MSI2: variants seen among roughly 807,000 people sequenced by gnomAD.
MSI2 encodes musashi RNA binding protein 2.
MSI2 carries 17 observed loss-of-function variants against 45.6 expected under a neutral mutation model. The ratio of observed to expected loss-of-function variants is 0.37; its 90% CI spans 0.26 to 0.56. The LOEUF (loss-of-function observed/expected upper bound fraction) is 0.56. Among genes scored for constraint, MSI2 ranks in the 20% least tolerant of loss-of-function variants. MSI2 has a pLI of 0.77. For missense variants in MSI2, 293 were observed against 444.2 expected (o/e 0.66, Z 3.06); for synonymous variants, 156 against 158.2 (o/e 0.99, Z 0.11).
At chr17:57,482,709 A>G (rs1053827612) in intron 6 of MSI2, among the ~76,000 whole-genome samples, 3 of 152,112 alleles carry the variant, frequency 2.0e-5, no homozygotes, top group African/African-American at 4.8e-5. Context: ...TGCCTCTCAC[A>G]TGTATAGATT....
intron 5 of MSI2, among the ~76,000 whole-genome samples, chr17:57,343,682 C>A (rs1376742457): frequency 1.3e-5 from 2 of 152,180 alleles, no homozygotes; most frequent in African/African-American, 4.8e-5. Context: ...TTATAGAATT[C>A]TTTTTCCCTC....
At position 57,468,236 on chromosome 17, in the gene MSI2, A is replaced by G. The variant is rs1479494379; in HGVS notation, c.406-61440A>G. ...AATGCACACAGAGTCCTTAGAAACA[A>G]GCAGTGGCGGCCCAGTACGATGGCT... On this transcript the variant is annotated intron_variant, in intron 6 of 13. Transcript: ENST00000284073. 2.0e-5 allele frequency among the ~76,000 whole-genome samples: 3 copies of G among 151,814 alleles called. No individual in the cohort carries two copies. In the South Asian group the frequency reaches 6.2e-4, roughly 32 times the overall value.
intron 7 of MSI2, among the ~76,000 whole-genome samples, chr17:57,576,806 A>G (rs1281733592): frequency 6.6e-6 from 1 of 152,022 alleles, no homozygotes; most frequent in African/African-American, 2.4e-5. Flanking sequence ...TAAAGAAAAA[A>G]AAAAAGGAAG....
Position 57,681,737 on chromosome 17 carries a change from C to A in MSI2, c.*2220C>A, listed in dbSNP as rs1295820574. Reference sequence around the variant, plus strand: ...TTTCTTTGTTTCTTTTCTTTTCCCCCAAACAACCAGATTAAATGCTGAGCG... The same window carrying A: ...TTTCTTTGTTTCTTTTCTTTTCCCCAAAACAACCAGATTAAATGCTGAGCG... On this transcript the variant is annotated 3_prime_UTR_variant, in exon 14 of 14. Transcript: ENST00000284073. The A allele has an allele frequency of 5.3e-6, 1 of 190,294 alleles. No homozygotes were observed. Among genetic ancestry groups the A allele is most frequent in the African/African-American group, 2.4e-5 (1 of 42,312 alleles). The allele number at this position is 190,294 out of a possible 1,614,324, so 11.8% of individuals were successfully genotyped here.
intron 6 of MSI2, among the ~76,000 whole-genome samples, chr17:57,457,330 G>A (rs948122721): frequency 5.9e-5 from 9 of 152,262 alleles, no homozygotes; most frequent in East Asian, 1.9e-4. Context: ...GAGGTGTTAG[G>A]AGATGCAAGG....
intron 6 of MSI2, among the ~76,000 whole-genome samples, chr17:57,528,258 G>GA: frequency 6.6e-6 from 1 of 152,316 alleles, no homozygotes; most frequent in South Asian, 2.1e-4. Context: ...TGTGTGCTCT[G>GA]TGGGATAAAG....
chr17:57,348,524 A>G (rs1284311104), intron 5 of MSI2, among the ~76,000 whole-genome samples: 1 of 152,122 alleles, frequency 6.6e-6, no homozygotes, highest in Non-Finnish European at 1.5e-5. Flanking sequence ...TTCTCACTCT[A>G]TGAGTTCTCA....
At chr17:57,511,417 A>G (rs1299494066) in intron 6 of MSI2, among the ~76,000 whole-genome samples, 1 of 152,108 alleles carries the variant, frequency 6.6e-6, no homozygotes, top group African/African-American at 2.4e-5. Context: ...CCAGAGACAC[A>G]GAGAAGGTTC....
At chr17:57,573,421 A>G (rs1478958522) in intron 7 of MSI2, among the ~76,000 whole-genome samples, 1 of 152,182 alleles carries the variant, frequency 6.6e-6, no homozygotes, top group Non-Finnish European at 1.5e-5. Context: ...TCATTCATTC[A>G]TTTGACAAAT....
intron 10 of MSI2, among the ~76,000 whole-genome samples, chr17:57,642,323 G>A (rs1465434121): frequency 1.3e-5 from 2 of 152,178 alleles, no homozygotes; most frequent in Non-Finnish European, 2.9e-5. Context: ...TTGGAGAAAA[G>A]GATTCATTGG....
At chr17:57,457,017 G>A (rs2085129200) in intron 6 of MSI2, among the ~76,000 whole-genome samples, 1 of 152,174 alleles carries the variant, frequency 6.6e-6, no homozygotes, top group South Asian at 2.1e-4. Context: ...GCAGCATCCT[G>A]TTCCAAGGCC....
At chr17:57,493,869 G>C (rs960552253) in intron 6 of MSI2, among the ~76,000 whole-genome samples, 2 of 152,112 alleles carry the variant, frequency 1.3e-5, no homozygotes, top group African/African-American at 4.8e-5. Flanking sequence ...CCAACACTGT[G>C]AGGTAGGCGG....
chr17:57,701,462 G>C, the MSI2 span, among the ~76,000 whole-genome samples: 2 of 152,190 alleles, frequency 1.3e-5, no homozygotes, highest in Non-Finnish European at 2.9e-5. Context: ...AAAACAGTGA[G>C]AAATTGCTGC....
intron 9 of MSI2, among the ~76,000 whole-genome samples, chr17:57,622,158 C>T (rs1206634747): frequency 1.3e-5 from 2 of 152,242 alleles, no homozygotes; most frequent in African/African-American, 2.4e-5. Context: ...GATCACACCA[C>T]TGCACTCCAG....
In MSI2 at chr17:57,614,362, C is replaced by A. The variant is rs187811700; in HGVS notation, c.538-1608C>A. On this transcript the variant is annotated intron_variant, in intron 8 of 13. Transcript: ENST00000284073. ...GCCACCACGTCCGGCCTAGAGGTCT[C>A]TGTTTAAACAATGTATATTGCACAC... Among the ~76,000 whole-genome samples the A allele has an allele frequency of 1.3e-3, 202 of 152,292 alleles. 3 individuals carry two copies. Among genetic ancestry groups the A allele is most frequent in the Admixed American group, 6.4e-3 (98 of 15,284 alleles).
At chr17:57,278,495 G>C (rs1279466716) in intron 5 of MSI2, 1 of 152,206 alleles carries the variant, frequency 6.6e-6, no homozygotes, top group African/African-American at 2.4e-5. Context: ...CCCACGCCTG[G>C]TACTATCTGA....
intron 6 of MSI2, among the ~76,000 whole-genome samples, chr17:57,471,569 T>A (rs2085438285): frequency 6.6e-6 from 1 of 152,186 alleles, no homozygotes; most frequent in South Asian, 2.1e-4. Context: ...ATAAATGCCT[T>A]AAAGAGTACA....
chr17:57,484,891 C>G (rs2085721057), intron 6 of MSI2, among the ~76,000 whole-genome samples: 1 of 152,204 alleles, frequency 6.6e-6, no homozygotes, highest in African/African-American at 2.4e-5. Context: ...TCCATGAGGC[C>G]TTCCCTGCTT....
At chr17:57,575,151 T>TCCCCCCCCCCCCCCC (rs898555784) in intron 7 of MSI2, among the ~76,000 whole-genome samples, 3 of 114,378 alleles carry the variant, frequency 2.6e-5, no homozygotes, top group Non-Finnish European at 5.3e-5. Context: ...TTTAACTCCC[T>TCCCCCCCCCCCCCCC]CCCCCCGCCA....
Sources: gnomAD v4.1 joint callset for allele counts (sites outside exome capture counted in the v4.1 genomes callset) on GRCh38, gnomAD v4.1.1 for gene constraint, MANE v1.5 for transcripts, NCBI Gene and HGNC (gene_info 2026-07-23, HGNC 2026-07-21) for gene names.